Variants in RBPJ observed in about 807,000 individuals in gnomAD.
The protein encoded by RBPJ is recombining binding protein suppressor of hairless.
RBPJ carries 9 observed loss-of-function variants against 67.8 expected under a neutral mutation model. The observed-to-expected ratio is 0.13, with a 90% CI of 0.08 to 0.23. RBPJ has a LOEUF of 0.23. Among genes scored for constraint, RBPJ ranks in the 10% least tolerant of loss-of-function variants. The probability of loss-of-function intolerance (pLI) is 1.00; values close to 1 mark genes in which losing one functional copy is unlikely to be tolerated. For synonymous variants in RBPJ, 198 were observed against 203.3 expected (o/e 0.97, Z 0.22); for missense variants, 305 against 595.6 (o/e 0.51, Z 5.08).
intron 1 of RBPJ, among the ~76,000 whole-genome samples, chr4:26,171,838 A>C (rs2109118879): frequency 6.6e-6 from 1 of 152,352 alleles, no homozygotes; most frequent in East Asian, 1.9e-4. Flanking sequence ...CCACCACAGC[A>C]AAAGGGGGCT....
chr4:26,207,622 C>T (rs1718214855), intron 1 of RBPJ, among the ~76,000 whole-genome samples: 1 of 152,290 alleles, frequency 6.6e-6, no homozygotes, highest in South Asian at 2.1e-4. Flanking sequence ...GCCAAGCTCT[C>T]GTTTAGGCAC....
chr4:26,365,479 A>T (rs1461206618), intron 1 of RBPJ, among the ~76,000 whole-genome samples: 1 of 152,234 alleles, frequency 6.6e-6, no homozygotes, highest in African/African-American at 2.4e-5. Flanking sequence ...TCAGTGGGTT[A>T]TGACCAGCAT....
At chr4:26,426,507 T>C in intron 7 of RBPJ, among the ~76,000 whole-genome samples, 1 of 152,204 alleles carries the variant, frequency 6.6e-6, no homozygotes, top group East Asian at 1.9e-4. Flanking sequence ...CATAAATCTT[T>C]CCAGGGGTTT....
chr4:26,235,715 G>T (rs748769045), intron 1 of RBPJ, among the ~76,000 whole-genome samples: 1 of 152,210 alleles, frequency 6.6e-6, no homozygotes, highest in African/African-American at 2.4e-5. Context: ...CCTGCTCCCA[G>T]TGTAAACCAT....
At chr4:26,320,826 AGG>A, upstream of RBPJ, 4 of 1,560,734 alleles carry the variant, frequency 2.6e-6, no homozygotes, top group Non-Finnish European at 3.5e-6. Context: ...GTAGGTTTCC[AGG>A]GAAGGCAGCG....
chr4:26,285,041 G>C (rs1262112186), intron 1 of RBPJ, among the ~76,000 whole-genome samples: 1 of 151,898 alleles, frequency 6.6e-6, no homozygotes, highest in Non-Finnish European at 1.5e-5. Flanking sequence ...ATTTTTAGTA[G>C]AGATGAGGTT....
At chr4:26,136,048 A>T in the RBPJ span, among the ~76,000 whole-genome samples, 1 of 152,230 alleles carries the variant, frequency 6.6e-6, no homozygotes, top group Non-Finnish European at 1.5e-5. Context: ...GTGGCAGCAG[A>T]CAAGAGAGCT....
chr4:26,193,308 G>C (rs930153053), intron 1 of RBPJ, among the ~76,000 whole-genome samples: 1 of 152,178 alleles, frequency 6.6e-6, no homozygotes, highest in Admixed American at 6.5e-5. Context: ...CACAGCAACA[G>C]GTTGCCCAGA....
At chr4:26,317,889 C>T (rs1305026279), upstream of RBPJ, among the ~76,000 whole-genome samples, 2 of 152,008 alleles carry the variant, frequency 1.3e-5, no homozygotes, top group African/African-American at 4.8e-5. Context: ...CCATGGCTTC[C>T]CAAGGTCGCT....
intron 2 of RBPJ, among the ~76,000 whole-genome samples, chr4:26,405,816 A>G (rs1733341373): frequency 1.3e-5 from 2 of 152,142 alleles, no homozygotes; most frequent in Non-Finnish European, 2.9e-5. Context: ...CTACAAAATT[A>G]CTGCATTTTA....
intron 1 of RBPJ, among the ~76,000 whole-genome samples, chr4:26,222,586 A>C (rs986198516): frequency 6.1e-5 from 9 of 148,304 alleles, no homozygotes; most frequent in Non-Finnish European, 1.2e-4. Context: ...AATGTATCAA[A>C]TTATCATATG....
intron 1 of RBPJ, among the ~76,000 whole-genome samples, chr4:26,302,385 A>T (rs1577405627): frequency 6.6e-6 from 1 of 152,212 alleles, no homozygotes; most frequent in East Asian, 1.9e-4. Context: ...TTTCTTCTAC[A>T]TTTGAAAACA....
At chr4:26,344,050 C>G (rs957178260) in intron 1 of RBPJ, among the ~76,000 whole-genome samples, 1 of 151,228 alleles carries the variant, frequency 6.6e-6, no homozygotes, top group Non-Finnish European at 1.5e-5. Flanking sequence ...TGCCCCCAGC[C>G]TGTACTTCTT....
intron 1 of RBPJ, among the ~76,000 whole-genome samples, chr4:26,296,219 C>G (rs1011232146): frequency 1.3e-5 from 2 of 152,220 alleles, no homozygotes; most frequent in African/African-American, 4.8e-5. Flanking sequence ...ATATTTGGCA[C>G]AGCAATCTCC....
intron 1 of RBPJ, among the ~76,000 whole-genome samples, chr4:26,244,453 A>T (rs1443556217): frequency 1.1e-5 from 1 of 88,316 alleles, no homozygotes; most frequent in African/African-American, 4.3e-5. Context: ...GTGTATACAT[A>T]TATGTGTGTA....
intron 1 of RBPJ, among the ~76,000 whole-genome samples, chr4:26,241,893 T>C (rs1719649208): frequency 6.6e-6 from 1 of 152,192 alleles, no homozygotes. Context: ...CAATGAGAAT[T>C]TGAAGCAGTA....
intron 1 of RBPJ, among the ~76,000 whole-genome samples, chr4:26,198,345 A>C (rs1717858372): frequency 6.6e-6 from 1 of 152,178 alleles, no homozygotes; most frequent in Non-Finnish European, 1.5e-5. Flanking sequence ...TTCCTTATTT[A>C]TTGTCTATTT....
chr4:26,175,381 G>C (rs1010108233), intron 1 of RBPJ, among the ~76,000 whole-genome samples: 2 of 152,050 alleles, frequency 1.3e-5, no homozygotes, highest in Admixed American at 6.6e-5. Context: ...TTGAGCTGGG[G>C]GGGGGATTTG....
rs553268037 is a variant in RBPJ, at chr4:26,393,364, C to A, written c.59+6973C>A. Among the ~76,000 whole-genome samples, 33 of 152,012 alleles carry A rather than the reference C, an allele frequency of 2.2e-4. 1 individual carries two copies. In the South Asian group the frequency reaches 6.6e-3, roughly 31 times the overall value. On this transcript the variant is annotated intron_variant, in intron 2 of 10. Transcript: ENST00000355476. The stretch of plus-strand genomic sequence containing the variant: ...CCCTTTGATAATATAATTTTAGGTA[C>A]CATCTGGCCTTTTTTTGTTTTGTTT...
Sources: allele counts gnomAD v4.1 joint callset (sites outside exome capture counted in the v4.1 genomes callset), GRCh38; gene constraint gnomAD v4.1.1; transcripts MANE v1.5; gene names NCBI Gene and HGNC (gene_info 2026-07-23, HGNC 2026-07-21).